Variants in VWF observed in about 807,000 individuals in gnomAD.
VWF encodes von Willebrand factor, also known as Factor VIII related antigen.
Under a neutral mutation model 308.6 loss-of-function variants are expected in VWF, and 176 were observed. The ratio of observed to expected loss-of-function variants is 0.57; its 90% CI spans 0.50 to 0.65. The LOEUF is 0.65. Among genes scored for constraint, VWF ranks in the 30% least tolerant of loss-of-function variants. The pLI is 0.00. For synonymous variants in VWF, 1,385 were observed against 1,443.4 expected (o/e 0.96, Z 0.92); for missense variants, 3,146 against 3,648.2 (o/e 0.86, Z 3.55).
At chr12:6,000,684 C>T (rs889667836) in intron 34 of VWF, among the ~76,000 whole-genome samples, 20 of 151,220 alleles carry the variant, frequency 1.3e-4, no homozygotes, top group African/African-American at 4.8e-4. Flanking sequence ...TGGTGGCGGG[C>T]GCCTGTAGTC....
intron 25 of VWF, among the ~76,000 whole-genome samples, 183 bp downstream of exon 25, chr12:6,023,448 C>A (rs191054077): frequency 6.6e-6 from 1 of 152,318 alleles, no homozygotes; most frequent in South Asian, 2.1e-4. Flanking sequence ...CCACCTCACC[C>A]GTAATATAAA....
Position 5,948,988 on chromosome 12 carries a change from G to A in VWF, c.*27C>T. ...GGCCATCAGGCCAAGGCAGGCAGCA[G>A]CAGGCACCCATGCAGCTGCAGCAGC... is the stretch of plus-strand genomic sequence containing the variant. On this transcript the variant is annotated 3_prime_UTR_variant, in exon 52 of 52. Coordinates refer to ENST00000261405, the MANE Select transcript of VWF (RefSeq NM_000552.5). The surrounding 1 kb of genome is among the most constrained non-coding windows in gnomAD (Gnocchi z 4.4). The A allele has an allele frequency of 1.9e-6, 3 of 1,603,814 alleles. No homozygotes were observed. The highest frequency in any genetic ancestry group is 2.6e-6 in the Non-Finnish European group (3 of 1,175,564).
Position 6,044,548 on chromosome 12 carries a change from C to A in VWF, c.2282-97G>T. 2.0e-6 allele frequency: 3 copies of A among 1,473,588 alleles called. No homozygotes were observed. In the Admixed American group the frequency reaches 5.9e-5, roughly 29 times the overall value. 91.3% of individuals were successfully genotyped at this position (1,473,588 alleles called of 1,614,324 possible). A position where few individuals can be genotyped will look rare whatever the true frequency, so the allele number is the denominator to read the frequency against. ...GTCCCCTAGAGTCTGTGACTAAATT[C>A]AAGAGACTCAGAGTTGCCCACTCAC... On this transcript the variant is annotated intron_variant, in intron 17 of 51. Coordinates refer to ENST00000261405, the MANE Select transcript of VWF (RefSeq NM_000552.5).
At position 6,016,838 on chromosome 12, in the gene VWF, G is replaced by A. The variant is rs1341346405; in HGVS notation, c.5086C>T (p.Leu1696=). ...CSQPLDVILL[L]DGSSSFPASY... is the part of the protein sequence containing the mutation. ...GCTGGGAAACTGGAGGAGCCATCCA[G>A]GAGAAGGATCACGTCCAGGGGCTGG... is the stretch of plus-strand genomic sequence containing the variant. Residue 1696 remains leucine (L), a synonymous_variant, in exon 29 of 52, where the codon CTG becomes TTG. Transcript: ENST00000261405. The A allele has an allele frequency of 6.2e-7, 1 of 1,613,980 alleles. No homozygotes were observed. Among genetic ancestry groups the A allele is most frequent in the African/African-American group, 1.3e-5 (1 of 74,926 alleles).
intron 5 of VWF, among the ~76,000 whole-genome samples, chr12:6,109,853 T>C (rs893220687): frequency 2.6e-5 from 4 of 152,226 alleles, no homozygotes; most frequent in South Asian, 4.1e-4. Context: ...GGTTTCACCA[T>C]GTTAGCCAGG....
At chr12:6,077,718 C>T (rs907005078) in intron 6 of VWF, among the ~76,000 whole-genome samples, 1 of 152,134 alleles carries the variant, frequency 6.6e-6, no homozygotes, top group Admixed American at 6.5e-5. Context: ...TTGTGGGTCC[C>T]GGGACCACTT....
At chr12:6,089,729 A>G (rs1485924581) in intron 6 of VWF, among the ~76,000 whole-genome samples, 1 of 152,050 alleles carries the variant, frequency 6.6e-6, no homozygotes, top group Non-Finnish European at 1.5e-5. Context: ...GCACTGGGCT[A>G]TGTTTGCAAA....
chr12:6,060,626 T>G lies in VWF; in HGVS notation c.1533+2328A>C, dbSNP rs1406883108. Among the ~76,000 whole-genome samples, 2 of 151,962 alleles carry G rather than the reference T, an allele frequency of 1.3e-5. No individual in the cohort carries two copies. Among genetic ancestry groups the G allele is most frequent in the Non-Finnish European group, 2.9e-5 (2 of 67,974 alleles). Reference sequence around the variant, plus strand: ...AAGAAAAATATATATAAAAAGACAGTTCTATAGGCCATGGGGTCATCTGAC... The same window carrying G: ...AAGAAAAATATATATAAAAAGACAGGTCTATAGGCCATGGGGTCATCTGAC... On this transcript the variant is annotated intron_variant, in intron 13 of 51. Transcript: ENST00000261405. The surrounding 1 kb of genome is among the most constrained non-coding windows in gnomAD (Gnocchi z 5.1).
At chr12:6,012,167 T>G in intron 32 of VWF, 37 bp from the exon 33 acceptor site, 8 of 1,612,628 alleles carry the variant, frequency 5.0e-6, no homozygotes, top group Non-Finnish European at 6.8e-6. Context: ...GTTCCCATCT[T>G]TCACCCAGAA....
chr12:6,079,564 C>T (rs752432365), intron 6 of VWF, among the ~76,000 whole-genome samples: 1 of 151,136 alleles, frequency 6.6e-6, no homozygotes, highest in Non-Finnish European at 1.5e-5. Flanking sequence ...GAGCTGAGAT[C>T]GCACCACTGC....
At chr12:6,054,152 G>A (rs969893764) in intron 15 of VWF, among the ~76,000 whole-genome samples, 18 of 152,192 alleles carry the variant, frequency 1.2e-4, no homozygotes, top group African/African-American at 4.3e-4. Flanking sequence ...GTAAGCCTTG[G>A]CCGTGAGCCT....
At chr12:6,101,604 G>C (rs1003963843) in intron 5 of VWF, among the ~76,000 whole-genome samples, 1 of 151,866 alleles carries the variant, frequency 6.6e-6, no homozygotes, top group Non-Finnish European at 1.5e-5. Context: ...GTGAAACCCC[G>C]TCTCTATTAA....
chr12:5,988,089 G>A (rs1207511774), intron 38 of VWF, among the ~76,000 whole-genome samples: 1 of 152,230 alleles, frequency 6.6e-6, no homozygotes, highest in Non-Finnish European at 1.5e-5. Context: ...TCACAAGGGT[G>A]CACCTATGAA....
intron 35 of VWF, among the ~76,000 whole-genome samples, chr12:5,994,998 C>G (rs1007669267): frequency 2.0e-5 from 3 of 152,072 alleles, no homozygotes; most frequent in Non-Finnish European, 2.9e-5. Context: ...TGTGTCCAAC[C>G]CTTTGAATGC....
chr12:5,983,962 G>A (rs771794429), intron 40 of VWF, among the ~76,000 whole-genome samples: 20 of 134,066 alleles, frequency 1.5e-4, no homozygotes, highest in African/African-American at 5.6e-4. Context: ...TACATAGGAT[G>A]GATGGATAGA....
In VWF at chr12:6,076,975, G is replaced by A. The variant is rs191315774; in HGVS notation, c.658-1424C>T. ...TCTAGCCCCAATGCCTGGTGCTAGGGCCCTGCCGCTTGCTAGGCCTCCACC... is the reference window on the plus strand; with the variant it reads ...TCTAGCCCCAATGCCTGGTGCTAGGACCCTGCCGCTTGCTAGGCCTCCACC... On this transcript the variant is annotated intron_variant, in intron 6 of 51. Coordinates refer to ENST00000261405, the MANE Select transcript of VWF (RefSeq NM_000552.5). Among the ~76,000 whole-genome samples, 57 of 152,308 alleles carry A rather than the reference G, an allele frequency of 3.7e-4. No individual in the cohort carries two copies. In the East Asian group the frequency reaches 9.7e-3, roughly 26 times the overall value.
intron 7 of VWF, among the ~76,000 whole-genome samples, 160 bp from the exon 8 acceptor site, chr12:6,073,901 C>T (rs1418101755): frequency 2.0e-5 from 3 of 152,132 alleles, no homozygotes; most frequent in Non-Finnish European, 4.4e-5. Context: ...ACGTGCCCCC[C>T]TGAGGCCACC....
In VWF at chr12:6,023,678, C is replaced by T. The variant is rs267607320; in HGVS notation, c.3332G>A (p.Cys1111Tyr). Residue 1111 changes from cysteine (C) to tyrosine (Y), a missense_variant, in exon 25 of 52, where the codon TGT (cysteine) becomes TAT (tyrosine). Cys to Tyr is a radical substitution (Grantham distance 194). Coordinates refer to ENST00000261405, the MANE Select transcript of VWF (RefSeq NM_000552.5). ...CDTIAAYAHV[C>Y]AQHGKVVTWR... ...GGTCACCACCTTGCCATGCTGGGCA[C>T]ACACGTGGGCATAGGCAGCAATGGT... is the stretch of plus-strand genomic sequence containing the variant. The T allele has an allele frequency of 6.2e-7, 1 of 1,613,922 alleles. No individual in the cohort carries two copies. The highest frequency in any genetic ancestry group is 8.5e-7 in the Non-Finnish European group (1 of 1,180,010).
At position 6,023,688 on chromosome 12, in the gene VWF, C is replaced by T; in HGVS notation, c.3322G>A (p.Ala1108Thr). 1 of 1,613,928 alleles carries T rather than the reference C, an allele frequency of 6.2e-7. No individual in the cohort carries two copies. Among genetic ancestry groups the T allele is most frequent in the Non-Finnish European group, 8.5e-7 (1 of 1,180,008 alleles). ...TTGCCATGCTGGGCACACACGTGGGCATAGGCAGCAATGGTGTCGCAGAAG... is the reference window on the plus strand; with the variant it reads ...TTGCCATGCTGGGCACACACGTGGGTATAGGCAGCAATGGTGTCGCAGAAG... Reference protein sequence around the residue: ...ACFCDTIAAYAHVCAQHGKVV... With the variant: ...ACFCDTIAAYTHVCAQHGKVV... Residue 1108 changes from alanine to threonine, a missense_variant, in exon 25 of 52, where the codon GCC becomes ACC. Physicochemically the swap from Ala to Thr is moderately conservative, Grantham distance 58. Around this residue, in one of 3 missense-constraint regions of VWF, gnomAD observed 853 missense variants for 1,177.8 expected, o/e 0.72. Transcript: ENST00000261405.
Sources: gnomAD v4.1 joint callset for allele counts (sites outside exome capture counted in the v4.1 genomes callset) on GRCh38, gnomAD v4.1.1 for gene constraint, gnomAD v4.1.1 regional missense constraint, Gnocchi (gnomAD v3.1) non-coding constraint, MANE v1.5 for transcripts, NCBI Gene and HGNC (gene_info 2026-07-23, HGNC 2026-07-21) for gene names.